KCTD16: variants seen among roughly 807,000 people sequenced by gnomAD.
KCTD16 encodes the protein BTB/POZ domain-containing protein KCTD16.
In KCTD16, 13 loss-of-function variants were observed where a neutral mutation model predicts 33.2. That is an observed-to-expected ratio of 0.39 (90% confidence interval 0.25 to 0.62). The LOEUF (loss-of-function observed/expected upper bound fraction) is 0.62. Ranked by LOEUF, KCTD16 falls within the 20% of genes least tolerant of loss-of-function variation. KCTD16 has a pLI of 0.50. For missense variants in KCTD16, 441 were observed against 525.1 expected (o/e 0.84, Z 1.57); for synonymous variants, 197 against 195.3 (o/e 1.01, Z -0.07).
chr5:144,422,043 G>A (rs1753224226), intron 3 of KCTD16, among the ~76,000 whole-genome samples: 2 of 152,128 alleles, frequency 1.3e-5, no homozygotes, highest in South Asian at 2.1e-4. Context: ...TTCAACCAAT[G>A]TCCCTCATCT....
At chr5:144,178,565 A>C (rs1222053935) in intron 2 of KCTD16, among the ~76,000 whole-genome samples, 1 of 152,154 alleles carries the variant, frequency 6.6e-6, no homozygotes, top group Non-Finnish European at 1.5e-5. Context: ...GTTTTTTATT[A>C]TTCTTCTGCA....
chr5:144,221,315 C>T (rs747450501), intron 3 of KCTD16, among the ~76,000 whole-genome samples: 4 of 152,022 alleles, frequency 2.6e-5, no homozygotes, highest in East Asian at 3.9e-4. Flanking sequence ...ATGTGCAGAA[C>T]GTGCAGGTTT....
At chr5:144,220,533 C>G (rs1437531458) in intron 3 of KCTD16, among the ~76,000 whole-genome samples, 1 of 151,996 alleles carries the variant, frequency 6.6e-6, no homozygotes. Flanking sequence ...TTCCTCTCAC[C>G]ATGAAGGCAG....
intron 3 of KCTD16, among the ~76,000 whole-genome samples, chr5:144,283,375 G>A (rs1428027409): frequency 6.6e-6 from 1 of 152,156 alleles, no homozygotes; most frequent in African/African-American, 2.4e-5. Flanking sequence ...TAATCAGTGG[G>A]AGAGAAAGTA....
At chr5:144,186,911 G>A (rs1456353231) in intron 2 of KCTD16, among the ~76,000 whole-genome samples, 1 of 152,086 alleles carries the variant, frequency 6.6e-6, no homozygotes. Flanking sequence ...TATGTGTCAG[G>A]TTCTGTGCCA....
intron 3 of KCTD16, among the ~76,000 whole-genome samples, chr5:144,437,932 A>G (rs1004727073): frequency 6.6e-6 from 1 of 152,180 alleles, no homozygotes; most frequent in African/African-American, 2.4e-5. Context: ...GACACTTCAA[A>G]TGTGGCTATT....
intron 3 of KCTD16, chr5:144,383,189 C>G (rs1194923077): frequency 1.3e-5 from 2 of 152,150 alleles, no homozygotes; most frequent in African/African-American, 2.4e-5. Flanking sequence ...CCTAGGGACT[C>G]TCTTAAATGA....
At chr5:144,299,106 A>ATCACTATGTG (rs61620861) in intron 3 of KCTD16, among the ~76,000 whole-genome samples, 1 of 9,078 alleles carries the variant, frequency 1.1e-4, no homozygotes, top group Non-Finnish European at 2.0e-4. Context: ...GTATATATAT[A>ATCACTATGTG]TATATATATA....
chr5:144,204,394 T>G (rs1753113513), intron 2 of KCTD16, among the ~76,000 whole-genome samples: 1 of 152,230 alleles, frequency 6.6e-6, no homozygotes, highest in Non-Finnish European at 1.5e-5. Context: ...AGCTGTTGGC[T>G]GGGCCATTAT....
chr5:144,190,697 C>T (rs150806911), intron 2 of KCTD16, among the ~76,000 whole-genome samples: 361 of 152,292 alleles, frequency 2.4e-3, no homozygotes, highest in African/African-American at 8.4e-3. Flanking sequence ...AATACCCCTC[C>T]CCAGTAACAT....
At chr5:144,349,384 T>A (rs540140173) in intron 3 of KCTD16, among the ~76,000 whole-genome samples, 1 of 152,312 alleles carries the variant, frequency 6.6e-6, no homozygotes, top group Admixed American at 6.5e-5. Flanking sequence ...CAATATTAAA[T>A]GTAGTAATAT....
intron 3 of KCTD16, among the ~76,000 whole-genome samples, chr5:144,472,959 C>A (rs1754510897): frequency 6.6e-6 from 1 of 152,182 alleles, no homozygotes; most frequent in African/African-American, 2.4e-5. Context: ...CTCAGCTCTG[C>A]CACTTTCAAA....
chr5:144,237,405 T>C (rs1224559929), intron 3 of KCTD16, among the ~76,000 whole-genome samples: 1 of 152,112 alleles, frequency 6.6e-6, no homozygotes, highest in Non-Finnish European at 1.5e-5. Context: ...GTTTATCAGA[T>C]GCAGATGACC....
At chr5:144,412,200 C>A (rs1580942115) in intron 3 of KCTD16, among the ~76,000 whole-genome samples, 1 of 152,162 alleles carries the variant, frequency 6.6e-6, no homozygotes, top group Admixed American at 6.5e-5. Context: ...AGAATTAATA[C>A]ATTGAAAGGA....
intron 3 of KCTD16, among the ~76,000 whole-genome samples, chr5:144,445,713 C>T (rs1224287907): frequency 2.0e-5 from 3 of 151,110 alleles, no homozygotes; most frequent in Non-Finnish European, 4.4e-5. Flanking sequence ...GGCTTTGTTC[C>T]TCTTCCTCAT....
At chr5:144,408,194 A>C (rs17101878) in intron 3 of KCTD16, among the ~76,000 whole-genome samples, 6,422 of 152,268 alleles carry the variant, frequency 0.042, 431 homozygotes, top group African/African-American at 0.14. Flanking sequence ...ATTACTTTCT[A>C]ATTGTTGCTC....
At chr5:144,427,652 G>T (rs1360542699) in intron 3 of KCTD16, among the ~76,000 whole-genome samples, 1 of 152,048 alleles carries the variant, frequency 6.6e-6, no homozygotes, top group African/African-American at 2.4e-5. Flanking sequence ...ACAGATTCCT[G>T]CTATCATCCC....
intron 3 of KCTD16, among the ~76,000 whole-genome samples, chr5:144,299,121 TATATATATATATATATATATATATA>T (rs1561558543): frequency 2.4e-4 from 5 of 20,774 alleles, no homozygotes; most frequent in African/African-American, 1.9e-3. Context: ...TATATATATA[TATATATATATATATATATATATATA>T]TATTTTTTTT....
chr5:144,258,722 A>T (rs1754917828), intron 3 of KCTD16, among the ~76,000 whole-genome samples: 1 of 152,116 alleles, frequency 6.6e-6, no homozygotes, highest in African/African-American at 2.4e-5. Flanking sequence ...TGAAAACAGT[A>T]TTTTTTCAGG....
Sources: gnomAD v4.1 joint callset for allele counts (sites outside exome capture counted in the v4.1 genomes callset) on GRCh38, gnomAD v4.1.1 for gene constraint, MANE v1.5 for transcripts, NCBI Gene and HGNC (gene_info 2026-07-23, HGNC 2026-07-21) for gene names.